The following KCNG2 variants were observed in gnomAD, a reference collection of about 807,000 sequenced individuals.
The protein encoded by KCNG2 is potassium voltage-gated channel modifier subfamily G member 2.
In KCNG2, 7 loss-of-function variants were observed where a neutral mutation model predicts 12.3. The observed-to-expected ratio is 0.57, with a 90% CI of 0.32 to 1.07. The LOEUF (loss-of-function observed/expected upper bound fraction) is 1.07, where lower values mean the gene tolerates loss of function less well. Ranked by LOEUF, KCNG2 falls within the 50% of genes least tolerant of loss-of-function variation. The probability of loss-of-function intolerance (pLI) is 0.04; values close to 1 mark genes in which losing one functional copy is unlikely to be tolerated. For synonymous variants in KCNG2, 414 were observed against 351.4 expected (o/e 1.18, Z -1.99); for missense variants, 703 against 726.0 (o/e 0.97, Z 0.36).
intron 3 of KCNG2, among the ~76,000 whole-genome samples, chr18:79,877,985 C>T (rs1258134568): frequency 6.7e-6 from 1 of 149,976 alleles, no homozygotes; most frequent in East Asian, 1.9e-4. Context: ...TGGCCACGTC[C>T]TGAGACTGTT....
intron 3 of KCNG2, among the ~76,000 whole-genome samples, chr18:79,883,677 G>C (rs1208779672): frequency 6.6e-6 from 1 of 152,196 alleles, no homozygotes; most frequent in African/African-American, 2.4e-5. Flanking sequence ...GGAGGGGCCT[G>C]TCTGGCAAAG....
intron 3 of KCNG2, among the ~76,000 whole-genome samples, chr18:79,882,866 C>CGCCTGCGCGTGG (rs1980366994): frequency 1.3e-5 from 2 of 151,094 alleles, no homozygotes; most frequent in Non-Finnish European, 2.9e-5. Context: ...AGGCCGGGTA[C>CGCCTGCGCGTGG]ACCTGCGCGT....
intron 3 of KCNG2, among the ~76,000 whole-genome samples, chr18:79,883,061 C>T (rs1277644247): frequency 6.6e-6 from 1 of 152,262 alleles, no homozygotes; most frequent in African/African-American, 2.4e-5. Context: ...ACACGGACCG[C>T]GACGGCCGGT....
chr18:79,804,888 C>T (rs1213813547), intron 1 of KCNG2, among the ~76,000 whole-genome samples: 1 of 152,140 alleles, frequency 6.6e-6, no homozygotes, highest in Non-Finnish European at 1.5e-5. Context: ...TGCAACTGTC[C>T]AGAGGTAATA....
intron 1 of KCNG2, among the ~76,000 whole-genome samples, chr18:79,801,212 T>G (rs1007209371): frequency 2.6e-5 from 4 of 152,238 alleles, no homozygotes; most frequent in African/African-American, 9.6e-5. Context: ...TTAATTTGAT[T>G]ATGAGTTTAG....
At chr18:79,811,951 C>A (rs1393239312) in intron 1 of KCNG2, among the ~76,000 whole-genome samples, 1 of 152,042 alleles carries the variant, frequency 6.6e-6, no homozygotes, top group Non-Finnish European at 1.5e-5. Flanking sequence ...AAAGCATGGG[C>A]AGAGAGTCAC....
chr18:79,859,024 T>C (rs1979121548), intron 2 of KCNG2, among the ~76,000 whole-genome samples: 1 of 152,230 alleles, frequency 6.6e-6, no homozygotes, highest in African/African-American at 2.4e-5. Context: ...TTACTTGTCA[T>C]TCATTTTCCT....
In KCNG2 at chr18:79,800,632, T is replaced by C. The variant is rs1341308529; in HGVS notation, c.-115+2618T>C. On this transcript the variant is annotated intron_variant, in intron 1 of 3. Transcript: ENST00000316249. This position sits in a 1 kb window ranked among gnomAD's most constrained non-coding sequence, Gnocchi z 4.0. ...CTTGCTGGTGTCGGAGAAACAGCAC[T>C]GGCTCCTTCACAGCCGCGGCTTTCC... Among the ~76,000 whole-genome samples, 2 of 152,234 alleles carry C rather than the reference T, an allele frequency of 1.3e-5. No individual in the cohort carries two copies. The highest frequency in any genetic ancestry group is 3.9e-4 in the East Asian group (2 of 5,192).
intron 1 of KCNG2, among the ~76,000 whole-genome samples, chr18:79,806,225 G>A (rs553834102): frequency 3.9e-5 from 6 of 152,364 alleles, no homozygotes; most frequent in East Asian, 1.9e-4. Flanking sequence ...AGGCAAGGCC[G>A]TCGTGCTGGG....
intron 1 of KCNG2, among the ~76,000 whole-genome samples, chr18:79,811,063 A>G (rs1195252221): frequency 6.6e-6 from 1 of 152,258 alleles, no homozygotes; most frequent in Admixed American, 6.5e-5. Context: ...ACTACAGAAC[A>G]TTGCTGAAAG....
rs1247234176 is a variant in KCNG2, at chr18:79,800,886, G to C, written c.-115+2872G>C. On this transcript the variant is annotated intron_variant, in intron 1 of 3. Transcript: ENST00000316249. The surrounding 1 kb of genome is among the most constrained non-coding windows in gnomAD (Gnocchi z 4.0). Reference sequence around the variant, plus strand: ...CCCGGCGGGGCCAGGAGAACACCCAGACTCATGGAATTGCTAACAGAAATC... The same window carrying C: ...CCCGGCGGGGCCAGGAGAACACCCACACTCATGGAATTGCTAACAGAAATC... 2.6e-5 allele frequency among the ~76,000 whole-genome samples: 4 copies of C among 152,358 alleles called. No individual in the cohort carries two copies. Among genetic ancestry groups the C allele is most frequent in the South Asian group, 2.1e-4 (1 of 4,834 alleles).
At chr18:79,872,008 C>A (rs1331106528) in intron 3 of KCNG2, among the ~76,000 whole-genome samples, 2 of 152,198 alleles carry the variant, frequency 1.3e-5, no homozygotes, top group Non-Finnish European at 1.5e-5. Context: ...GATGGCAACG[C>A]TCCTGCACGT....
At chr18:79,859,072 G>T (rs914124563) in intron 2 of KCNG2, among the ~76,000 whole-genome samples, 49 of 152,122 alleles carry the variant, frequency 3.2e-4, no homozygotes, top group Non-Finnish European at 6.8e-4. Flanking sequence ...TCATTGGAAT[G>T]AAGTCCAATT....
intron 3 of KCNG2, among the ~76,000 whole-genome samples, chr18:79,895,439 C>T (rs988286148): frequency 6.6e-6 from 1 of 151,588 alleles, no homozygotes; most frequent in Admixed American, 6.6e-5. Flanking sequence ...CCATTCATAA[C>T]GATTGATATA....
At chr18:79,868,793 C>CA (rs2123084906) in intron 3 of KCNG2, among the ~76,000 whole-genome samples, 1 of 152,350 alleles carries the variant, frequency 6.6e-6, no homozygotes, top group East Asian at 1.9e-4. Context: ...GCTCAAGCCT[C>CA]AGACGAGCCA....
intron 1 of KCNG2, among the ~76,000 whole-genome samples, chr18:79,853,190 C>T (rs866430016): frequency 1.3e-5 from 2 of 152,180 alleles, no homozygotes; most frequent in African/African-American, 4.8e-5. Flanking sequence ...TACATCCTAG[C>T]GGGAGTGGAC....
rs560211356 is a variant in KCNG2, at chr18:79,822,950, G to A, written c.-115+24936G>A. Among the ~76,000 whole-genome samples, 2 of 152,354 alleles carry A rather than the reference G, an allele frequency of 1.3e-5. No individual in the cohort carries two copies. The highest frequency in any genetic ancestry group is 4.1e-4 in the South Asian group (2 of 4,830). On this transcript the variant is annotated intron_variant, in intron 1 of 3. Transcript: ENST00000316249. The surrounding 1 kb of genome is among the most constrained non-coding windows in gnomAD (Gnocchi z 4.4). Reference sequence around the variant, plus strand: ...GTGTGGCTCACTTGTGGCATGTGAAGAGCGTGTGGAGCACCCCAAGGCTTT... The same window carrying A: ...GTGTGGCTCACTTGTGGCATGTGAAAAGCGTGTGGAGCACCCCAAGGCTTT...
At chr18:79,871,902 G>A (rs1219456874) in intron 3 of KCNG2, among the ~76,000 whole-genome samples, 8 of 152,136 alleles carry the variant, frequency 5.3e-5, no homozygotes, top group Admixed American at 5.2e-4. Flanking sequence ...TGCCAGCACC[G>A]AGTGAGGACC....
In KCNG2 at chr18:79,899,274, C is replaced by A. The variant is rs753179588; in HGVS notation, c.859C>A (p.Leu287Met). ...GCTCCTGGAGCGCGCGGGGCTGGTG[C>A]TGCGGCTGCTGCGTGCGCTGCGCGT... ...TKLLERAGLV[L>M]RLLRALRVLY... The change falls in exon 4 of 4, where the codon CTG becomes ATG. Residue 287 changes from leucine (L) to methionine (M), a missense_variant. By Grantham distance (15) the Leu-to-Met change is conservative. Transcript: ENST00000316249. 5 of 1,576,994 alleles carry A rather than the reference C, an allele frequency of 3.2e-6. No individual in the cohort carries two copies. Among genetic ancestry groups the A allele is most frequent in the Non-Finnish European group, 4.3e-6 (5 of 1,169,748 alleles).
Sources: allele counts gnomAD v4.1 joint callset (sites outside exome capture counted in the v4.1 genomes callset), GRCh38; gene constraint gnomAD v4.1.1; non-coding constraint Gnocchi (gnomAD v3.1); transcripts MANE v1.5; gene names NCBI Gene and HGNC (gene_info 2026-07-23, HGNC 2026-07-21).